DDX60L: variants seen among roughly 807,000 people sequenced by gnomAD.
DDX60L encodes the protein probable ATP-dependent RNA helicase DDX60-like.
Under a neutral mutation model 211.6 loss-of-function variants are expected in DDX60L, and 191 were observed. The ratio of observed to expected loss-of-function variants is 0.90; its 90% CI spans 0.80 to 1.02. DDX60L has a LOEUF of 1.02. Among genes scored for constraint, DDX60L ranks in the 50% least tolerant of loss-of-function variants. DDX60L has a pLI of 0.00. For missense variants in DDX60L, 2,007 were observed against 1,984.1 expected, an observed-to-expected ratio of 1.01 and a Z score of -0.22; for synonymous variants, 706 against 694.1, an observed-to-expected ratio of 1.02 and a Z score of -0.27.
chr4:168,442,394 G>T (rs1754017565), intron 9 of DDX60L, among the ~76,000 whole-genome samples: 1 of 152,146 alleles, frequency 6.6e-6, no homozygotes, highest in South Asian at 2.1e-4. Flanking sequence ...AGCAGTCTGA[G>T]ATCAAACTGC....
chr4:168,394,649 T>C (rs1745458805), intron 27 of DDX60L, 32 bp from the exon 28 acceptor site: 3 of 1,555,606 alleles, frequency 1.9e-6, no homozygotes, highest in Non-Finnish European at 2.6e-6. Flanking sequence ...AAACAATTGA[T>C]GATGTATTTT....
intron 7 of DDX60L, among the ~76,000 whole-genome samples, chr4:168,454,845 G>C (rs1292403876): frequency 6.8e-6 from 1 of 146,768 alleles, no homozygotes; most frequent in African/African-American, 2.5e-5. Context: ...GCAGGTTTGG[G>C]GAGTTTGGTT....
intron 10 of DDX60L, among the ~76,000 whole-genome samples, chr4:168,437,185 G>C (rs1277710385): frequency 6.6e-6 from 1 of 152,182 alleles, no homozygotes; most frequent in African/African-American, 2.4e-5. Flanking sequence ...CGCACTATCT[G>C]TGAATGTGAC....
At chr4:168,470,420 A>C (rs1758599936) in intron 4 of DDX60L, 1 of 152,248 alleles carries the variant, frequency 6.6e-6, no homozygotes, top group African/African-American at 2.4e-5. Context: ...CAACAAGAAA[A>C]TGGGTAAACA....
intron 8 of DDX60L, among the ~76,000 whole-genome samples, chr4:168,449,065 C>T (rs1755264215): frequency 1.3e-5 from 2 of 152,258 alleles, no homozygotes; most frequent in South Asian, 2.1e-4. Context: ...AATACTAACA[C>T]CTTTGTCATG....
Position 168,416,662 on chromosome 4 carries a change from C to A in DDX60L, c.2726+20G>T. On this transcript the variant is annotated intron_variant, in intron 20 of 37. Coordinates refer to ENST00000682922, the MANE Select transcript of DDX60L (RefSeq NM_001012967.3). ...TCAACCACTGAATATATAACAACCA[C>A]TCTTTTTACCTATACCTACTTGGTG... 1 of 1,482,510 alleles carries A rather than the reference C, an allele frequency of 6.7e-7. No homozygotes were observed. The highest frequency in any genetic ancestry group is 1.2e-5 in the South Asian group (1 of 80,394). The allele number at this position is 1,482,510 out of a possible 1,614,324, so 91.8% of individuals were successfully genotyped here.
At chr4:168,479,690 C>A (rs1170920293) in intron 1 of DDX60L, among the ~76,000 whole-genome samples, 3 of 152,044 alleles carry the variant, frequency 2.0e-5, no homozygotes, top group Admixed American at 6.5e-5. Flanking sequence ...TAAATCCGGC[C>A]GGGCGCGGTG....
At chr4:168,361,307 T>A in intron 36 of DDX60L, 96 bp from the exon 37 acceptor site, 2 of 736,474 alleles carry the variant, frequency 2.7e-6, no homozygotes, top group Non-Finnish European at 4.6e-6. Flanking sequence ...TGGCAGTTAA[T>A]TTATCTGCCA....
At chr4:168,390,499 T>G in intron 29 of DDX60L, 3 of 1,400,650 alleles carry the variant, frequency 2.1e-6, no homozygotes, top group Non-Finnish European at 2.8e-6. Flanking sequence ...AATCACAGTC[T>G]TCATATTCCA....
At position 168,384,814 on chromosome 4, in the gene DDX60L, T is replaced by C. The variant is rs774488786; in HGVS notation, c.3916-2A>G. On this transcript the variant is annotated splice_acceptor_variant, in intron 29 of 37. Coordinates refer to ENST00000682922, the MANE Select transcript of DDX60L (RefSeq NM_001012967.3). LOFTEE classifies it high-confidence loss of function. Reference sequence around the variant, plus strand: ...TCTTCTTCCAGCACGACCAGACATCTGGAAGCAGCAAAGAATCACAATGTA... The same window carrying C: ...TCTTCTTCCAGCACGACCAGACATCCGGAAGCAGCAAAGAATCACAATGTA... 6 of 1,611,200 alleles carry C rather than the reference T, an allele frequency of 3.7e-6. No homozygotes were observed. The South Asian group carries it at 6.6e-5, about 18-fold the overall frequency.
chr4:168,423,618 T>G lies in DDX60L; in HGVS notation c.2087A>C (p.Asp696Ala). ...TTCTAGTTCTCTTACCAGAGTTGGATCCAAAGAGTTTGCCAGATCATTAAA... is the reference window on the plus strand; with the variant it reads ...TTCTAGTTCTCTTACCAGAGTTGGAGCCAAAGAGTTTGCCAGATCATTAAA... ...LGFNDLANSL[D>A]PTLIGDDKNK... Residue 696 changes from aspartate to alanine, a missense_variant, in exon 15 of 38, where the codon GAT becomes GCT. By Grantham distance (126) the Asp-to-Ala change is moderately radical. Coordinates refer to ENST00000682922, the MANE Select transcript of DDX60L (RefSeq NM_001012967.3). The G allele has an allele frequency of 6.4e-7, 1 of 1,574,342 alleles. No individual in the cohort carries two copies. Among genetic ancestry groups the G allele is most frequent in the African/African-American group, 1.4e-5 (1 of 73,730 alleles).
intron 9 of DDX60L, among the ~76,000 whole-genome samples, chr4:168,448,063 T>C (rs114075394): frequency 0.027 from 4,124 of 151,956 alleles, 188 homozygotes; most frequent in African/African-American, 0.091. Context: ...ATGGAGAGGG[T>C]GAGAATTTTG....
intron 36 of DDX60L, among the ~76,000 whole-genome samples, chr4:168,363,998 T>TAGTC (rs1355103921): frequency 2.6e-5 from 4 of 152,228 alleles, no homozygotes; most frequent in African/African-American, 9.6e-5. Flanking sequence ...TGTGCACCTG[T>TAGTC]AGTCCTAGCT....
At position 168,457,950 on chromosome 4, in the gene DDX60L, C is replaced by A. The variant is rs757439050; in HGVS notation, c.665G>T (p.Arg222Met). 6.4e-7 allele frequency: 1 copy of A among 1,572,578 alleles called. No homozygotes were observed. The highest frequency in any genetic ancestry group is 2.3e-5 in the East Asian group (1 of 43,782). The change falls in exon 6 of 38, where the codon AGG becomes ATG. Residue 222 changes from arginine (R) to methionine (M), a missense_variant. Coordinates refer to ENST00000682922, the MANE Select transcript of DDX60L (RefSeq NM_001012967.3). ...KSLIQHLEEI[R>M]VLVLATHFEH... ...AAAATGAGTTGCTAATACTAAAACCCTTATTTCTTCCAAGTGTTGTATGAG... is the reference window on the plus strand; with the variant it reads ...AAAATGAGTTGCTAATACTAAAACCATTATTTCTTCCAAGTGTTGTATGAG...
intron 29 of DDX60L, among the ~76,000 whole-genome samples, chr4:168,389,353 C>G (rs750003286): frequency 1.3e-5 from 2 of 152,036 alleles, no homozygotes; most frequent in African/African-American, 4.8e-5. Flanking sequence ...GGCATGTTAG[C>G]AGAAAATCCA....
chr4:168,463,080 CTG>C (rs1376479433), intron 4 of DDX60L, among the ~76,000 whole-genome samples: 2 of 152,180 alleles, frequency 1.3e-5, no homozygotes, highest in African/African-American at 4.8e-5. Flanking sequence ...TTGTGGAAAA[CTG>C]TGGCAATTCC....
chr4:168,427,488 T>C (rs531629914), intron 13 of DDX60L, among the ~76,000 whole-genome samples, 166 bp from the exon 14 acceptor site: 2 of 152,350 alleles, frequency 1.3e-5, no homozygotes, highest in South Asian at 4.1e-4. Flanking sequence ...GTCTGTATGA[T>C]GCAAACCTAC....
chr4:168,440,664 C>T (rs1482170584), intron 10 of DDX60L, among the ~76,000 whole-genome samples: 2 of 152,202 alleles, frequency 1.3e-5, no homozygotes, highest in East Asian at 3.9e-4. Context: ...CACTTCTCTT[C>T]ACTTCCTCAG....
At chr4:168,364,590 A>G (rs1739648464) in intron 36 of DDX60L, among the ~76,000 whole-genome samples, 1 of 152,174 alleles carries the variant, frequency 6.6e-6, no homozygotes, top group African/African-American at 2.4e-5. Flanking sequence ...TGTGATGCCT[A>G]GGCTGGTCTT....
Sources: allele counts gnomAD v4.1 joint callset (sites outside exome capture counted in the v4.1 genomes callset), GRCh38; gene constraint gnomAD v4.1.1; transcripts MANE v1.5; gene names NCBI Gene and HGNC (gene_info 2026-07-23, HGNC 2026-07-21).